SEMA6D: variants seen among roughly 807,000 people sequenced by gnomAD.
SEMA6D encodes semaphorin-6D.
A neutral mutation model predicts 106.6 loss-of-function variants in SEMA6D; 35 were observed. That is an observed-to-expected ratio of 0.33 (90% CI 0.25 to 0.44). SEMA6D has a LOEUF of 0.44. Among genes scored for constraint, SEMA6D ranks in the 20% least tolerant of loss-of-function variants. SEMA6D has a pLI of 1.00. For missense variants in SEMA6D, 1,185 were observed against 1,345.9 expected (o/e 0.88, Z 1.87); for synonymous variants, 499 against 487.7 (o/e 1.02, Z -0.31).
intron 1 of SEMA6D, among the ~76,000 whole-genome samples, chr15:47,257,677 G>GT (rs1468628003): frequency 4.6e-5 from 7 of 151,622 alleles, no homozygotes; most frequent in Non-Finnish European, 1.0e-4. Context: ...TGTGAAATGT[G>GT]TTTTTTTAGG....
At chr15:47,290,461 A>C (rs1595654145) in intron 1 of SEMA6D, among the ~76,000 whole-genome samples, 1 of 152,218 alleles carries the variant, frequency 6.6e-6, no homozygotes, top group East Asian at 1.9e-4. Context: ...TAGAAGAATG[A>C]CAGAGCTGAA....
chr15:47,397,774 C>T (rs2040265987), intron 1 of SEMA6D: 1 of 152,156 alleles, frequency 6.6e-6, no homozygotes, highest in Non-Finnish European at 1.5e-5. Context: ...TGTAACATAA[C>T]TATGATGTCA....
At chr15:47,403,263 A>C (rs970365514) in intron 1 of SEMA6D, among the ~76,000 whole-genome samples, 3 of 152,148 alleles carry the variant, frequency 2.0e-5, no homozygotes, top group Non-Finnish European at 4.4e-5. Flanking sequence ...TTTTTGCATA[A>C]TCTCTGTTAG....
intron 3 of SEMA6D, among the ~76,000 whole-genome samples, chr15:47,542,938 A>G (rs900114765): frequency 6.6e-6 from 1 of 152,130 alleles, no homozygotes; most frequent in Non-Finnish European, 1.5e-5. Context: ...AGCCAGCTCA[A>G]GTGTCCTCCT....
intron 1 of SEMA6D, among the ~76,000 whole-genome samples, chr15:47,378,087 C>T (rs1361119165): frequency 6.6e-6 from 1 of 152,152 alleles, no homozygotes; most frequent in Non-Finnish European, 1.5e-5. Flanking sequence ...AAACACGATT[C>T]TCTCCTTTAT....
intron 1 of SEMA6D, among the ~76,000 whole-genome samples, chr15:47,390,308 C>T (rs1000054327): frequency 6.6e-6 from 1 of 151,994 alleles, no homozygotes; most frequent in Admixed American, 6.6e-5. Context: ...ACATTTTAAA[C>T]CTCTTCTTCT....
chr15:47,718,892 C>A (rs1268108915), intron 1 of SEMA6D: 2 of 152,176 alleles, frequency 1.3e-5, no homozygotes, highest in Non-Finnish European at 2.9e-5. Flanking sequence ...ACTTTTATTT[C>A]CCGTCTTGAC....
At chr15:47,286,818 C>G (rs1257426601) in intron 1 of SEMA6D, among the ~76,000 whole-genome samples, 1 of 152,102 alleles carries the variant, frequency 6.6e-6, no homozygotes, top group Non-Finnish European at 1.5e-5. Flanking sequence ...GTCATCTAAA[C>G]CCCCTCCCTT....
At chr15:47,669,107 T>A (rs1351502752) in intron 4 of SEMA6D, among the ~76,000 whole-genome samples, 1 of 152,114 alleles carries the variant, frequency 6.6e-6, no homozygotes, top group African/African-American at 2.4e-5. Flanking sequence ...TGAAGGGAAG[T>A]TGGGCAGAGC....
chr15:47,252,307 T>C (rs965434572), intron 1 of SEMA6D, among the ~76,000 whole-genome samples: 1 of 152,216 alleles, frequency 6.6e-6, no homozygotes, highest in Non-Finnish European at 1.5e-5. Flanking sequence ...CTATATAGTA[T>C]GATGTTTCAA....
At position 47,232,516 on chromosome 15, in the gene SEMA6D, A is replaced by G. The variant is rs192773174; in HGVS notation, c.-239+48098A>G. ...TATCCTTTCTAGCTCTTGTTATTCT[A>G]TGGGGGGAGGGTGTGTGTGTGTGTG... is the stretch of plus-strand genomic sequence containing the variant. On this transcript the variant is annotated intron_variant, in intron 1 of 19. Coordinates refer to the SEMA6D transcript ENST00000558014. Among the ~76,000 whole-genome samples, 9 of 101,660 alleles carry G rather than the reference A, an allele frequency of 8.9e-5. No homozygotes were observed. The East Asian group carries it at 2.5e-3, about 29-fold the overall frequency. The allele number at this position is 101,660 out of a possible 152,430, so 66.7% of individuals were successfully genotyped here.
chr15:47,331,479 A>G (rs949823697), intron 1 of SEMA6D, among the ~76,000 whole-genome samples: 2 of 152,190 alleles, frequency 1.3e-5, no homozygotes, highest in African/African-American at 4.8e-5. Flanking sequence ...TTAATTATAT[A>G]GGGAAATGTT....
chr15:47,347,671 A>G (rs1005666066), intron 1 of SEMA6D, among the ~76,000 whole-genome samples: 10 of 152,198 alleles, frequency 6.6e-5, no homozygotes, highest in African/African-American at 2.2e-4. Context: ...TAGAAGCTAG[A>G]TATGAGATAT....
At chr15:47,547,435 T>C (rs150306385) in intron 3 of SEMA6D, among the ~76,000 whole-genome samples, 65 of 152,308 alleles carry the variant, frequency 4.3e-4, no homozygotes, top group South Asian at 8.3e-4. Context: ...TTTTCAACTT[T>C]ACTAGTAATT....
intron 8 of SEMA6D, 86 bp downstream of exon 8, chr15:47,762,405 G>T: frequency 6.8e-7 from 1 of 1,460,008 alleles, no homozygotes; most frequent in Middle Eastern, 1.8e-4. Flanking sequence ...AAGAGGTTCA[G>T]CGCATGACTT....
intron 1 of SEMA6D, among the ~76,000 whole-genome samples, chr15:47,411,681 G>A (rs1051471193): frequency 6.6e-6 from 1 of 152,070 alleles, no homozygotes; most frequent in African/African-American, 2.4e-5. Flanking sequence ...AGAACTCCTA[G>A]GGATATTAAT....
At chr15:47,218,769 G>A (rs1180930326) in intron 1 of SEMA6D, among the ~76,000 whole-genome samples, 1 of 152,056 alleles carries the variant, frequency 6.6e-6, no homozygotes, top group African/African-American at 2.4e-5. Context: ...TCTGATACAT[G>A]TTATCTCATC....
chr15:47,576,835 G>A (rs576680521), intron 3 of SEMA6D, among the ~76,000 whole-genome samples: 2 of 152,290 alleles, frequency 1.3e-5, no homozygotes, highest in South Asian at 4.1e-4. Context: ...AGAACAAAAT[G>A]AGCCTTACGC....
chr15:47,544,484 G>A (rs2045455820), intron 3 of SEMA6D, among the ~76,000 whole-genome samples: 1 of 152,100 alleles, frequency 6.6e-6, no homozygotes, highest in African/African-American at 2.4e-5. Flanking sequence ...AAATACTGTG[G>A]TCAATTATAT....
Sources: gnomAD v4.1 joint callset for allele counts (sites outside exome capture counted in the v4.1 genomes callset) on GRCh38, gnomAD v4.1.1 for gene constraint, MANE v1.5 for transcripts, NCBI Gene and HGNC (gene_info 2026-07-23, HGNC 2026-07-21) for gene names.